CTNNA3: variants seen among roughly 807,000 people sequenced by gnomAD.
CTNNA3 encodes catenin alpha-3.
A neutral mutation model predicts 95.7 loss-of-function variants in CTNNA3; 76 were observed. That is an observed-to-expected ratio of 0.79 (90% CI 0.66 to 0.96). CTNNA3 has a LOEUF of 0.96. Ranked by LOEUF, CTNNA3 falls within the 40% of genes least tolerant of loss-of-function variation. The probability of loss-of-function intolerance (pLI) is 0.00; values close to 1 mark genes in which losing one functional copy is unlikely to be tolerated. For synonymous variants in CTNNA3, 431 were observed against 374.4 expected (o/e 1.15, Z -1.74); for missense variants, 1,191 against 1,089.8 (o/e 1.09, Z -1.31).
chr10:66,511,617 A>T (rs1840662490), intron 11 of CTNNA3, among the ~76,000 whole-genome samples: 1 of 151,742 alleles, frequency 6.6e-6, no homozygotes, highest in Non-Finnish European at 1.5e-5. Context: ...TTTCTTCATT[A>T]ACTCATTTGT....
intron 5 of CTNNA3, among the ~76,000 whole-genome samples, chr10:67,306,572 A>C (rs1448824540): frequency 6.6e-6 from 1 of 152,166 alleles, no homozygotes; most frequent in African/African-American, 2.4e-5. Flanking sequence ...GTTGGAAAGA[A>C]GTTTTACAGA....
At chr10:67,359,251 AAAAG>A (rs925776118) in intron 5 of CTNNA3, among the ~76,000 whole-genome samples, 1 of 151,782 alleles carries the variant, frequency 6.6e-6, no homozygotes, top group Non-Finnish European at 1.5e-5. Flanking sequence ...AAAAAAAAAA[AAAAG>A]AAAGAAACAA....
At chr10:67,221,502 C>G (rs1296335145) in intron 5 of CTNNA3, among the ~76,000 whole-genome samples, 1 of 152,168 alleles carries the variant, frequency 6.6e-6, no homozygotes, top group Non-Finnish European at 1.5e-5. Context: ...TGTATTGTAA[C>G]CCACGTCAGT....
At chr10:67,354,866 C>G (rs1842488379) in intron 5 of CTNNA3, among the ~76,000 whole-genome samples, 1 of 151,860 alleles carries the variant, frequency 6.6e-6, no homozygotes, top group Non-Finnish European at 1.5e-5. Flanking sequence ...TGAGCTTTCC[C>G]TGAAAACTTT....
chr10:66,278,454 T>A (rs1002583110), intron 13 of CTNNA3, among the ~76,000 whole-genome samples: 1 of 151,934 alleles, frequency 6.6e-6, no homozygotes, highest in Non-Finnish European at 1.5e-5. Context: ...AATGGAAGTA[T>A]TTATCTTGAA....
chr10:66,069,607 T>C (rs927920973), intron 14 of CTNNA3, 118 bp from the exon 15 acceptor site: 11 of 683,822 alleles, frequency 1.6e-5, no homozygotes, highest in Non-Finnish European at 1.9e-5. Context: ...AGGCACAATA[T>C]AGTTAAATTC....
chr10:66,729,397 C>T (rs1402062678), intron 9 of CTNNA3, among the ~76,000 whole-genome samples: 2 of 152,236 alleles, frequency 1.3e-5, no homozygotes, highest in Non-Finnish European at 2.9e-5. Context: ...GTGGCAATTC[C>T]TCAAAGATCT....
At chr10:67,498,202 CA>C (rs1415156142) in intron 5 of CTNNA3, among the ~76,000 whole-genome samples, 3 of 152,116 alleles carry the variant, frequency 2.0e-5, no homozygotes, top group Non-Finnish European at 4.4e-5. Flanking sequence ...ATCTTTTCCC[CA>C]TTGCTTGTTT....
intron 5 of CTNNA3, among the ~76,000 whole-genome samples, chr10:67,393,490 G>A (rs1041418834): frequency 3.9e-5 from 6 of 152,008 alleles, no homozygotes; most frequent in Non-Finnish European, 7.4e-5. Flanking sequence ...GTGCCATATC[G>A]CTTACAGTCC....
At chr10:67,517,813 T>C (rs1839868971) in intron 5 of CTNNA3, among the ~76,000 whole-genome samples, 1 of 152,190 alleles carries the variant, frequency 6.6e-6, no homozygotes, top group Non-Finnish European at 1.5e-5. Flanking sequence ...ACTGCTAGAC[T>C]ATGTATGTCC....
At chr10:67,668,413 C>T (rs1176617306) in intron 1 of CTNNA3, among the ~76,000 whole-genome samples, 1 of 152,064 alleles carries the variant, frequency 6.6e-6, no homozygotes, top group African/African-American at 2.4e-5. Context: ...TAGTTCTGAA[C>T]CCTATATATG....
chr10:66,120,972 G>A (rs2082548217), intron 13 of CTNNA3, among the ~76,000 whole-genome samples: 1 of 152,132 alleles, frequency 6.6e-6, no homozygotes, highest in African/African-American at 2.4e-5. Flanking sequence ...TAACCCAGGT[G>A]CGAAGGCCAA....
intron 15 of CTNNA3, among the ~76,000 whole-genome samples, chr10:65,993,162 T>C (rs1489878330): frequency 6.6e-6 from 1 of 152,236 alleles, no homozygotes; most frequent in Non-Finnish European, 1.5e-5. Flanking sequence ...TTGCCTGACA[T>C]ATGGTCAATC....
chr10:66,049,655 A>C (rs1236195806), intron 15 of CTNNA3, among the ~76,000 whole-genome samples: 1 of 152,210 alleles, frequency 6.6e-6, no homozygotes, highest in East Asian at 1.9e-4. Context: ...ACATGGATGG[A>C]GCTGGAGGTT....
intron 15 of CTNNA3, among the ~76,000 whole-genome samples, chr10:66,027,008 A>G (rs544332409): frequency 6.6e-6 from 1 of 152,160 alleles, no homozygotes; most frequent in Non-Finnish European, 1.5e-5. Flanking sequence ...TAAGTTAAAT[A>G]GATAAAATAA....
chr10:66,429,081 G>A (rs1249340217), intron 11 of CTNNA3, among the ~76,000 whole-genome samples: 1 of 151,680 alleles, frequency 6.6e-6, no homozygotes, highest in African/African-American at 2.4e-5. Context: ...TATCACCACC[G>A]ATCCCACAGA....
At chr10:67,349,755 C>A (rs1410884466) in intron 5 of CTNNA3, among the ~76,000 whole-genome samples, 4 of 152,064 alleles carry the variant, frequency 2.6e-5, no homozygotes, top group Non-Finnish European at 5.9e-5. Flanking sequence ...AAGAAGCATG[C>A]TGTAATGGCT....
chr10:66,030,763 C>A (rs1227532484), intron 15 of CTNNA3, among the ~76,000 whole-genome samples: 3 of 151,902 alleles, frequency 2.0e-5, no homozygotes, highest in Non-Finnish European at 4.4e-5. Context: ...CAACAGATAA[C>A]CTACAGAATG....
chr10:66,781,565 A>C (rs1178095831), intron 7 of CTNNA3, among the ~76,000 whole-genome samples: 2 of 152,206 alleles, frequency 1.3e-5, no homozygotes, highest in African/African-American at 4.8e-5. Flanking sequence ...ATAATGTGAA[A>C]ATACAACTAA....
Sources: gnomAD v4.1 joint callset for allele counts (sites outside exome capture counted in the v4.1 genomes callset) on GRCh38, gnomAD v4.1.1 for gene constraint, MANE v1.5 for transcripts, NCBI Gene and HGNC (gene_info 2026-07-23, HGNC 2026-07-21) for gene names.